ZNF274: variants seen among roughly 807,000 people sequenced by gnomAD.
The protein encoded by ZNF274 is neurotrophin receptor-interacting factor homolog.
Under a neutral mutation model 42.5 loss-of-function variants are expected in ZNF274, and 23 were observed. The ratio of observed to expected loss-of-function variants is 0.54; its 90% confidence interval spans 0.39 to 0.77. The LOEUF (loss-of-function observed/expected upper bound fraction) is 0.77, where lower values mean the gene tolerates loss of function less well. Among genes scored for constraint, ZNF274 ranks in the 30% least tolerant of loss-of-function variants. ZNF274 has a pLI of 0.00. For missense variants in ZNF274, 679 were observed against 806.5 expected, an observed-to-expected ratio of 0.84 and a Z score of 1.91; for synonymous variants, 292 against 305.4, an observed-to-expected ratio of 0.96 and a Z score of 0.46.
chr19:58,203,988 G>A (rs1455012395), intron 4 of ZNF274, among the ~76,000 whole-genome samples: 4 of 152,224 alleles, frequency 2.6e-5, no homozygotes, highest in African/African-American at 9.6e-5. Context: ...CCAGCGCGGA[G>A]CTGACTCCCT....
Position 58,212,146 on chromosome 19 carries a change from G to C in ZNF274, c.980-15G>C. 1.9e-6 allele frequency: 3 copies of C among 1,586,178 alleles called. No homozygotes were observed. Among genetic ancestry groups the C allele is most frequent in the Non-Finnish European group, 2.6e-6 (3 of 1,172,314 alleles). On this transcript the variant is annotated splice_polypyrimidine_tract_variant and intron_variant, in intron 7 of 7. Coordinates refer to ENST00000617501, the MANE Select transcript of ZNF274 (RefSeq NM_133502.3). This position sits in a 1 kb window ranked among gnomAD's most constrained non-coding sequence, Gnocchi z 4.6. ...TCTCTCTATGGGATCCACATCTTTT[G>C]TTTATTTTTTTCAGGGTGGGAGACT...
intron 4 of ZNF274, among the ~76,000 whole-genome samples, chr19:58,190,140 T>A (rs1280919060): frequency 1.2e-4 from 18 of 148,288 alleles, no homozygotes; most frequent in Non-Finnish European, 1.8e-4. Flanking sequence ...AAAAAAAAAA[T>A]TTATCTCTCT....
intron 4 of ZNF274, among the ~76,000 whole-genome samples, chr19:58,201,041 C>G (rs2075904070): frequency 1.3e-5 from 2 of 151,554 alleles, no homozygotes; most frequent in Non-Finnish European, 2.9e-5. Context: ...CGGTCTCACT[C>G]TCACCTAGGC....
At chr19:58,192,045 CAG>C (rs1296843718) in intron 4 of ZNF274, among the ~76,000 whole-genome samples, 1 of 152,124 alleles carries the variant, frequency 6.6e-6, no homozygotes, top group Non-Finnish European at 1.5e-5. Flanking sequence ...AAGACCTAGT[CAG>C]GGGACACTGC....
At chr19:58,203,271 G>A (rs2075936969) in intron 4 of ZNF274, among the ~76,000 whole-genome samples, 1 of 152,042 alleles carries the variant, frequency 6.6e-6, no homozygotes, top group Non-Finnish European at 1.5e-5. Flanking sequence ...CTGCTTCTCA[G>A]GAAAAATTCA....
chr19:58,209,853 A>G lies in ZNF274; in HGVS notation c.740-108A>G. 6.1e-6 allele frequency: 4 copies of G among 652,672 alleles called. No individual in the cohort carries two copies. In the East Asian group the frequency reaches 8.5e-5, roughly 14 times the overall value. The allele number at this position is 652,672 out of a possible 1,614,324, so 40.4% of individuals were successfully genotyped here. ...GGAGCAGAGGCTGTCATGGAGCCACAGTACGATGCAGGGGTGCGGTGGCCC... is the reference window on the plus strand; with the variant it reads ...GGAGCAGAGGCTGTCATGGAGCCACGGTACGATGCAGGGGTGCGGTGGCCC... On this transcript the variant is annotated intron_variant, in intron 5 of 7. Coordinates refer to ENST00000617501, the MANE Select transcript of ZNF274 (RefSeq NM_133502.3).
chr19:58,203,674 T>C (rs1208311912), intron 4 of ZNF274, among the ~76,000 whole-genome samples: 1 of 151,700 alleles, frequency 6.6e-6, no homozygotes, highest in African/African-American at 2.4e-5. Context: ...GCGAAGTAAG[T>C]CCCCAGAAGT....
intron 6 of ZNF274, chr19:58,210,752 TTGCCCAGGCTGGAG>T (rs2076030658): frequency 6.5e-6 from 1 of 153,404 alleles, no homozygotes; most frequent in Non-Finnish European, 1.4e-5. Context: ...TTCACTCTTG[TTGCCCAGGCTGGAG>T]TGCAATGGCG....
Position 58,207,120 on chromosome 19 carries a change from ATGG to A in ZNF274, c.658_660del (p.Trp220del). 6.2e-7 allele frequency: 1 copy of A among 1,613,790 alleles called. No individual in the cohort carries two copies. The highest frequency in any genetic ancestry group is 8.5e-7 in the Non-Finnish European group (1 of 1,179,898). On this transcript the variant is annotated inframe_deletion, in exon 5 of 8. Coordinates refer to ENST00000617501, the MANE Select transcript of ZNF274 (RefSeq NM_133502.3). This position sits in a 1 kb window ranked among gnomAD's most constrained non-coding sequence, Gnocchi z 5.6. Reference sequence around the variant, plus strand: ...GTGCACTGCCTGTGAAGCTCCGGACATGGGTGGAATCGCAGCACCCAGAGAACT... The same window carrying A: ...GTGCACTGCCTGTGAAGCTCCGGACAGTGGAATCGCAGCACCCAGAGAACT...
chr19:58,213,345 G>A lies in ZNF274; in HGVS notation c.*202G>A. On this transcript the variant is annotated 3_prime_UTR_variant, in exon 8 of 8. Coordinates refer to ENST00000617501, the MANE Select transcript of ZNF274 (RefSeq NM_133502.3). ...AGTGAGGAGTTATTAACATCATTTGGAAAAAAGATTTCCCATTCACTTGAT... is the reference window on the plus strand; with the variant it reads ...AGTGAGGAGTTATTAACATCATTTGAAAAAAAGATTTCCCATTCACTTGAT... The A allele has an allele frequency of 1.9e-6, 1 of 536,592 alleles. No individual in the cohort carries two copies. The highest frequency in any genetic ancestry group is 3.0e-6 in the Non-Finnish European group (1 of 332,456). 33.2% of individuals were successfully genotyped at this position (536,592 alleles called of 1,614,324 possible). A position where few individuals can be genotyped will look rare whatever the true frequency, so the allele number is the denominator to read the frequency against.
intron 4 of ZNF274, among the ~76,000 whole-genome samples, chr19:58,187,618 A>G (rs2075715885): frequency 6.6e-6 from 1 of 152,062 alleles, no homozygotes; most frequent in African/African-American, 2.4e-5. Flanking sequence ...GTGTTTCACC[A>G]TGTTGCCCAG....
chr19:58,189,506 A>G (rs1019339775), intron 4 of ZNF274, among the ~76,000 whole-genome samples: 35 of 152,308 alleles, frequency 2.3e-4, no homozygotes, highest in African/African-American at 8.4e-4. Flanking sequence ...GTCATGGGCT[A>G]AATAGCTGTC....
At position 58,185,735 on chromosome 19, in the gene ZNF274, A is replaced by G; in HGVS notation, c.57A>G (p.Val19=). Reference sequence around the variant, plus strand: ...AGGAACCAGTGACCTTTGAAGATGTAACACTGGGTTTTACCCCGGAAGAGT... The same window carrying G: ...AGGAACCAGTGACCTTTGAAGATGTGACACTGGGTTTTACCCCGGAAGAGT... ...WSCEPVTFED[V]TLGFTPEEWG... Residue 19 remains valine, a synonymous_variant, in exon 3 of 8, where the codon GTA becomes GTG. Coordinates refer to ENST00000617501, the MANE Select transcript of ZNF274 (RefSeq NM_133502.3). 1 of 1,467,614 alleles carries G rather than the reference A, an allele frequency of 6.8e-7. No individual in the cohort carries two copies. The highest frequency in any genetic ancestry group is 9.1e-7 in the Non-Finnish European group (1 of 1,104,236). 90.9% of individuals were successfully genotyped at this position (1,467,614 alleles called of 1,614,324 possible).
rs1394362598 is a variant in ZNF274, at chr19:58,183,426, T to TGTGCGGCGCGCGCCGGGTGA, written c.-57_-46+8dup. 1 of 152,250 alleles carries TGTGCGGCGCGCGCCGGGTGA rather than the reference T, an allele frequency of 6.6e-6. No homozygotes were observed. Among genetic ancestry groups the TGTGCGGCGCGCGCCGGGTGA allele is most frequent in the East Asian group, 1.9e-4 (1 of 5,164 alleles). The allele number at this position is 152,250 out of a possible 1,614,324, so 9.4% of individuals were successfully genotyped here. A position where few individuals can be genotyped will look rare whatever the true frequency, so the allele number is the denominator to read the frequency against. ...TTCGCCGCCGGCCGACGGGCGCCATTGTGCGGCGCGCGCCGGGTGAGTGCC... is the reference window on the plus strand; with the variant it reads ...TTCGCCGCCGGCCGACGGGCGCCATTGTGCGGCGCGCGCCGGGTGAGTGCGGCGCGCGCCGGGTGAGTGCC... On this transcript the variant is annotated 5_prime_UTR_variant, in exon 1 of 8. Transcript: ENST00000617501.
Position 58,211,340 on chromosome 19 carries a change from T to C in ZNF274, c.853-220T>C. ...TGCTTGTTGCACTTGGAGCTCTTTA[T>C]GAAGCAAGGGCTCTGCCTCCCAGCC... On this transcript the variant is annotated intron_variant, in intron 6 of 7. Coordinates refer to ENST00000617501, the MANE Select transcript of ZNF274 (RefSeq NM_133502.3). The surrounding 1 kb of genome is among the most constrained non-coding windows in gnomAD (Gnocchi z 4.8). 2.2e-6 allele frequency: 1 copy of C among 458,648 alleles called. No individual in the cohort carries two copies. The highest frequency in any genetic ancestry group is 3.8e-6 in the Non-Finnish European group (1 of 262,840). 28.4% of individuals were successfully genotyped at this position (458,648 alleles called of 1,614,324 possible).
At chr19:58,204,379 CGTT>C (rs2075955607) in intron 4 of ZNF274, among the ~76,000 whole-genome samples, 1 of 152,016 alleles carries the variant, frequency 6.6e-6, no homozygotes, top group Admixed American at 6.6e-5. Flanking sequence ...GGCCTAGAGG[CGTT>C]GTAGGCGTCG....
chr19:58,201,003 GTTTGT>G (rs368359265), intron 4 of ZNF274, among the ~76,000 whole-genome samples: 69 of 150,816 alleles, frequency 4.6e-4, no homozygotes, highest in East Asian at 2.0e-3. Context: ...ACTGTTGTTT[GTTTGT>G]TTTGTTTTTT....
intron 4 of ZNF274, among the ~76,000 whole-genome samples, chr19:58,203,226 G>A (rs983886728): frequency 2.6e-5 from 4 of 152,088 alleles, no homozygotes; most frequent in Admixed American, 6.6e-5. Context: ...CACTTAGTCC[G>A]GTGCTGCTGG....
rs922213667 is a variant in ZNF274, at chr19:58,212,559, A to G, written c.1378A>G (p.Met460Val). 1 of 1,614,078 alleles carries G rather than the reference A, an allele frequency of 6.2e-7. No individual in the cohort carries two copies. Among genetic ancestry groups the G allele is most frequent in the Admixed American group, 1.7e-5 (1 of 60,022 alleles). ...LRKRDSQVKS[M>V]KHNSRVKIHQ... ...CAAACGTGACTCACAAGTTAAAAGTATGAAACATAATTCACGTGTAAAAAT... is the reference window on the plus strand; with the variant it reads ...CAAACGTGACTCACAAGTTAAAAGTGTGAAACATAATTCACGTGTAAAAAT... Residue 460 changes from methionine (M) to valine (V), a missense_variant, in exon 8 of 8, where the codon ATG becomes GTG. Around this residue, in one of 2 missense-constraint regions of ZNF274, gnomAD observed 456 missense variants for 590.1 expected, o/e 0.77. Transcript: ENST00000617501. This position sits in a 1 kb window ranked among gnomAD's most constrained non-coding sequence, Gnocchi z 4.6.
Sources: gnomAD v4.1 joint callset for allele counts (sites outside exome capture counted in the v4.1 genomes callset) on GRCh38, gnomAD v4.1.1 for gene constraint, gnomAD v4.1.1 regional missense constraint, Gnocchi (gnomAD v3.1) non-coding constraint, MANE v1.5 for transcripts, NCBI Gene and HGNC (gene_info 2026-07-23, HGNC 2026-07-21) for gene names.